STAM2: variants seen among roughly 807,000 people sequenced by gnomAD.
The protein encoded by STAM2 is signal transducing adapter molecule 2.
Under a neutral mutation model 65.6 loss-of-function variants are expected in STAM2, and 51 were observed. The observed-to-expected ratio is 0.78, with a 90% CI of 0.62 to 0.98. The LOEUF is 0.98. Ranked by LOEUF, STAM2 falls within the 50% of genes least tolerant of loss-of-function variation. STAM2 has a pLI of 0.00. For missense variants in STAM2, 584 were observed against 617.8 expected, an observed-to-expected ratio of 0.95 and a Z score of 0.58; for synonymous variants, 198 against 208.4, an observed-to-expected ratio of 0.95 and a Z score of 0.43.
chr2:152,119,028 A>G lies in STAM2; in HGVS notation c.*1546T>C, dbSNP rs530035369. 65 of 152,180 alleles carry G rather than the reference A, an allele frequency of 4.3e-4. No homozygotes were observed. The highest frequency in any genetic ancestry group is 9.8e-4 in the Admixed American group (15 of 15,284). The allele number at this position is 152,180 out of a possible 1,614,324, so 9.4% of individuals were successfully genotyped here. ...ATCAAATTTCTGTAGATAAATGGCA[A>G]AATTTTCAGAGAACTAGCTTGAAAT... is the stretch of plus-strand genomic sequence containing the variant. On this transcript the variant is annotated 3_prime_UTR_variant, in exon 14 of 14. Coordinates refer to ENST00000263904, the MANE Select transcript of STAM2 (RefSeq NM_005843.6).
chr2:152,117,942 A>G lies in STAM2; in HGVS notation c.*2632T>C, dbSNP rs747252782. The G allele has an allele frequency of 1.3e-5, 2 of 152,160 alleles. No individual in the cohort carries two copies. Among genetic ancestry groups the G allele is most frequent in the Non-Finnish European group, 2.9e-5 (2 of 67,998 alleles). 9.4% of individuals were successfully genotyped at this position (152,160 alleles called of 1,614,324 possible). A position where few individuals can be genotyped will look rare whatever the true frequency, so the allele number is the denominator to read the frequency against. ...AATTACCTAATGTTTAAGTAATTTT[A>G]TAAATAAATTACCAAATTAGAAGAC... On this transcript the variant is annotated 3_prime_UTR_variant, in exon 14 of 14. Transcript: ENST00000263904.
intron 10 of STAM2, among the ~76,000 whole-genome samples, chr2:152,132,700 G>C (rs1421897021): frequency 6.6e-6 from 1 of 151,990 alleles, no homozygotes; most frequent in African/African-American, 2.4e-5. Context: ...TATCCCAAAA[G>C]ATTTTTTTTA....
intron 2 of STAM2, among the ~76,000 whole-genome samples, chr2:152,149,753 C>T (rs1689407964): frequency 6.6e-6 from 1 of 152,144 alleles, no homozygotes; most frequent in Admixed American, 6.6e-5. Flanking sequence ...TCGCCTCGGC[C>T]TCTCAAAGTT....
chr2:152,154,919 T>A (rs765388295), intron 1 of STAM2, among the ~76,000 whole-genome samples: 1 of 152,212 alleles, frequency 6.6e-6, no homozygotes, highest in Non-Finnish European at 1.5e-5. Flanking sequence ...CATTAGGTAC[T>A]CAATCTGTCT....
chr2:152,127,541 TA>T (rs887315471), intron 11 of STAM2, among the ~76,000 whole-genome samples: 1 of 147,692 alleles, frequency 6.8e-6, no homozygotes, highest in South Asian at 2.1e-4. Flanking sequence ...AAACACTTGT[TA>T]AAAAAAAACC....
chr2:152,164,129 CG>C (rs1189837107), intron 1 of STAM2, among the ~76,000 whole-genome samples: 1 of 151,998 alleles, frequency 6.6e-6, no homozygotes, highest in African/African-American at 2.4e-5. Context: ...ACCTACGGCC[CG>C]TAATGACCTG....
At chr2:152,145,576 C>T (rs950816889) in intron 5 of STAM2, among the ~76,000 whole-genome samples, 2 of 152,192 alleles carry the variant, frequency 1.3e-5, no homozygotes, top group African/African-American at 4.8e-5. Flanking sequence ...TATTCCCGAT[C>T]TCAATTGTCC....
At chr2:152,130,951 G>A (rs551657498) in intron 11 of STAM2, among the ~76,000 whole-genome samples, 33 of 141,712 alleles carry the variant, frequency 2.3e-4, no homozygotes, top group Non-Finnish European at 4.9e-4. Context: ...AGCCGAGATC[G>A]CACCACTGCA....
chr2:152,159,646 ATT>A (rs1689622032), intron 1 of STAM2, among the ~76,000 whole-genome samples: 2 of 152,168 alleles, frequency 1.3e-5, no homozygotes, highest in South Asian at 4.2e-4. Flanking sequence ...CTGGGGGCAT[ATT>A]TTTCCCATTG....
chr2:152,173,395 T>TATATATAC (rs1689937537), intron 1 of STAM2, among the ~76,000 whole-genome samples: 1 of 147,038 alleles, frequency 6.8e-6, no homozygotes, highest in African/African-American at 2.5e-5. Flanking sequence ...TATGTATACA[T>TATATATAC]ATATATATAT....
intron 7 of STAM2, 137 bp downstream of exon 7, chr2:152,143,690 C>T (rs559112272): frequency 7.2e-4 from 409 of 570,810 alleles, no homozygotes; most frequent in Non-Finnish European, 1.1e-3. Flanking sequence ...ACATGCCTAA[C>T]TTTTATTTTA....
intron 1 of STAM2, among the ~76,000 whole-genome samples, chr2:152,152,847 A>G (rs1042712635): frequency 3.3e-5 from 5 of 152,246 alleles, no homozygotes; most frequent in African/African-American, 1.2e-4. Context: ...CACAGGTAGT[A>G]AAAATATTAG....
chr2:152,165,775 G>C (rs542454577), intron 1 of STAM2, among the ~76,000 whole-genome samples: 1 of 152,260 alleles, frequency 6.6e-6, no homozygotes, highest in African/African-American at 2.4e-5. Context: ...TAAAAGAGTT[G>C]TGAAAATTAA....
chr2:152,146,332 T>C (rs1487183116), intron 5 of STAM2, among the ~76,000 whole-genome samples: 3 of 142,906 alleles, frequency 2.1e-5, no homozygotes, highest in African/African-American at 7.9e-5. Flanking sequence ...TAAAAGAAAA[T>C]ATAGTACTTC....
chr2:152,160,507 G>A (rs1280048931), intron 1 of STAM2, among the ~76,000 whole-genome samples: 1 of 151,958 alleles, frequency 6.6e-6, no homozygotes, highest in East Asian at 2.0e-4. Context: ...CGCCCCGTCT[G>A]AGAAGTGAGG....
chr2:152,143,348 C>T (rs1689282876), intron 7 of STAM2, among the ~76,000 whole-genome samples: 1 of 152,142 alleles, frequency 6.6e-6, no homozygotes, highest in South Asian at 2.1e-4. Context: ...CAGTATTAAG[C>T]TCTACAGAGA....
intron 1 of STAM2, among the ~76,000 whole-genome samples, chr2:152,174,430 C>CA (rs368189452): frequency 6.6e-6 from 1 of 150,540 alleles, no homozygotes; most frequent in Non-Finnish European, 1.5e-5. Flanking sequence ...ATTCATCCAC[C>CA]AAAAAAAAAG....
intron 11 of STAM2, 39 bp downstream of exon 11, chr2:152,132,075 C>T: frequency 6.6e-7 from 1 of 1,505,342 alleles, no homozygotes; most frequent in Non-Finnish European, 9.1e-7. Flanking sequence ...AGTGAACCCC[C>T]CAAAACTATA....
At position 152,175,488 on chromosome 2, in the gene STAM2, C is replaced by T. The variant is rs551928626; in HGVS notation, c.40+115G>A. 2.1e-4 allele frequency: 293 copies of T among 1,371,512 alleles called. 1 individual carries two copies. The African/African-American group carries it at 4.0e-3, about 19-fold the overall frequency. 85.0% of individuals were successfully genotyped at this position (1,371,512 alleles called of 1,614,324 possible). A position where few individuals can be genotyped will look rare whatever the true frequency, so the allele number is the denominator to read the frequency against. On this transcript the variant is annotated intron_variant, in intron 1 of 13. Coordinates refer to ENST00000263904, the MANE Select transcript of STAM2 (RefSeq NM_005843.6). ...GAAGGAGCGGGCGGCACCGCCCCTC[C>T]CCTCCCTTCGCTTTGCTTCCTAGTC...
Sources: allele counts gnomAD v4.1 joint callset (sites outside exome capture counted in the v4.1 genomes callset), GRCh38; gene constraint gnomAD v4.1.1; transcripts MANE v1.5; gene names NCBI Gene and HGNC (gene_info 2026-07-23, HGNC 2026-07-21).